SLC25A21: variants seen among roughly 807,000 people sequenced by gnomAD.
SLC25A21 encodes the protein mitochondrial 2-oxodicarboxylate carrier.
SLC25A21 carries 47 observed loss-of-function variants against 43.8 expected under a neutral mutation model. That is an observed-to-expected ratio of 1.07 (90% confidence interval 0.85 to 1.37). The LOEUF (loss-of-function observed/expected upper bound fraction) is 1.37. Among genes scored for constraint, SLC25A21 ranks in the 40% most tolerant of loss-of-function variants. SLC25A21 has a pLI of 0.00. For synonymous variants in SLC25A21, 131 were observed against 121.3 expected, an observed-to-expected ratio of 1.08 and a Z score of -0.52; for missense variants, 352 against 350.2, an observed-to-expected ratio of 1.00 and a Z score of -0.04.
At position 36,821,504 on chromosome 14, in the gene SLC25A21, C is replaced by T. The variant is rs531459822; in HGVS notation, c.120-7503G>A. On this transcript the variant is annotated intron_variant, in intron 2 of 9. Coordinates refer to ENST00000331299, the MANE Select transcript of SLC25A21 (RefSeq NM_030631.4). Reference sequence around the variant, plus strand: ...TTTAGCTGTGGGTATTTTGTTTTCACTTCAGATTAAATATAATAATAATCT... The same window carrying T: ...TTTAGCTGTGGGTATTTTGTTTTCATTTCAGATTAAATATAATAATAATCT... Among the ~76,000 whole-genome samples, 399 of 152,094 alleles carry T rather than the reference C, an allele frequency of 2.6e-3. 1 individual carries two copies. The highest frequency in any genetic ancestry group is 4.8e-3 in the Non-Finnish European group (325 of 68,012).
intron 1 of SLC25A21, among the ~76,000 whole-genome samples, chr14:37,087,400 T>C (rs571036906): frequency 3.9e-5 from 6 of 152,360 alleles, no homozygotes; most frequent in Admixed American, 2.6e-4. Context: ...AGTTGGGTTA[T>C]CTGTGACCTG....
At chr14:36,749,758 C>T (rs773238039) in intron 3 of SLC25A21, among the ~76,000 whole-genome samples, 8 of 152,186 alleles carry the variant, frequency 5.3e-5, no homozygotes, top group Non-Finnish European at 8.8e-5. Context: ...CTCACAAAGC[C>T]GCAGGGCTCA....
intron 3 of SLC25A21, among the ~76,000 whole-genome samples, chr14:36,787,596 C>T (rs894641661): frequency 3.9e-5 from 6 of 152,026 alleles, no homozygotes; most frequent in Admixed American, 2.0e-4. Context: ...TTATATTAAA[C>T]ACAATTCATT....
rs755182734 is a variant in SLC25A21, at chr14:36,679,857, T to G, written c.*801A>C. The G allele has an allele frequency of 1.0e-6, 1 of 983,666 alleles. No individual in the cohort carries two copies. The highest frequency in any genetic ancestry group is 1.2e-6 in the Non-Finnish European group (1 of 828,454). The allele number at this position is 983,666 out of a possible 1,614,324, so 60.9% of individuals were successfully genotyped here. A position where few individuals can be genotyped will look rare whatever the true frequency, so the allele number is the denominator to read the frequency against. ...CAATATCTCATCAACAAAACTTATCTTCAAAGAGAACTATGTGGAGGAAAG... is the reference window on the plus strand; with the variant it reads ...CAATATCTCATCAACAAAACTTATCGTCAAAGAGAACTATGTGGAGGAAAG... On this transcript the variant is annotated 3_prime_UTR_variant, in exon 10 of 10. Coordinates refer to ENST00000331299, the MANE Select transcript of SLC25A21 (RefSeq NM_030631.4).
At position 37,130,926 on chromosome 14, in the gene SLC25A21, G is replaced by A. The variant is rs370392776; in HGVS notation, c.70+41355C>T. ...CTAATGGGCTAGCAGAATATGCTTC[G>A]TGGAGAAAGAAGTTAGAGGGGATCT... On this transcript the variant is annotated intron_variant, in intron 1 of 9. Coordinates refer to ENST00000331299, the MANE Select transcript of SLC25A21 (RefSeq NM_030631.4). Among the ~76,000 whole-genome samples, 29 of 152,326 alleles carry A rather than the reference G, an allele frequency of 1.9e-4. 1 individual carries two copies. The highest frequency in any genetic ancestry group is 3.3e-4 in the Admixed American group (5 of 15,304).
At chr14:36,977,955 A>T (rs11623895) in intron 1 of SLC25A21, among the ~76,000 whole-genome samples, 975 of 90,122 alleles carry the variant, frequency 0.011, 5 homozygotes, top group Non-Finnish European at 0.014. Flanking sequence ...TTTTTTTTTT[A>T]AAAAAAAAAA....
intron 3 of SLC25A21, among the ~76,000 whole-genome samples, chr14:36,768,657 C>T (rs915427649): frequency 7.2e-5 from 11 of 152,162 alleles, no homozygotes; most frequent in African/African-American, 2.7e-4. Context: ...TGACATTAGG[C>T]AGGTTACTTA....
At chr14:36,878,002 T>A (rs987093132) in intron 1 of SLC25A21, among the ~76,000 whole-genome samples, 2 of 152,178 alleles carry the variant, frequency 1.3e-5, no homozygotes, top group African/African-American at 4.8e-5. Context: ...GGTATTGACC[T>A]CTGCTAATGT....
chr14:36,764,192 G>GAAAGAAAGAAAGAAAGAAAGAAAGAA lies in SLC25A21; in HGVS notation c.204-29620_204-29619insTTCTTTCTTTCTTTCTTTCTTTCTTT, dbSNP rs141041432. Among the ~76,000 whole-genome samples the GAAAGAAAGAAAGAAAGAAAGAAAGAA allele has an allele frequency of 4.2e-4, 23 of 55,316 alleles. 4 individuals carry two copies. The highest frequency in any genetic ancestry group is 2.5e-3 in the East Asian group (5 of 1,996). The allele number at this position is 55,316 out of a possible 152,430, so 36.3% of individuals were successfully genotyped here. A position where few individuals can be genotyped will look rare whatever the true frequency, so the allele number is the denominator to read the frequency against. ...AGAAAGAAAGAAAGAAAGAAAGAAAGAGAAAGAAAGAAACTGTTAGCTTCC... is the reference window on the plus strand; with the variant it reads ...AGAAAGAAAGAAAGAAAGAAAGAAAGAAAGAAAGAAAGAAAGAAAGAAAGAAAGAAAGAAAGAAACTGTTAGCTTCC... On this transcript the variant is annotated intron_variant, in intron 3 of 9. Transcript: ENST00000331299.
intron 1 of SLC25A21, among the ~76,000 whole-genome samples, chr14:37,099,397 A>C (rs1417965542): frequency 6.6e-6 from 1 of 152,108 alleles, no homozygotes; most frequent in Admixed American, 6.5e-5. Flanking sequence ...CTTCTGAGTA[A>C]TTTGTACTTA....
chr14:37,030,044 C>T (rs919899300), intron 1 of SLC25A21, among the ~76,000 whole-genome samples: 6 of 152,032 alleles, frequency 3.9e-5, no homozygotes, highest in African/African-American at 9.7e-5. Context: ...GGATTACAGG[C>T]GTGAGCCACT....
chr14:36,786,993 T>C (rs1887276848), intron 3 of SLC25A21, among the ~76,000 whole-genome samples: 1 of 152,152 alleles, frequency 6.6e-6, no homozygotes, highest in African/African-American at 2.4e-5. Context: ...CTCCATATGA[T>C]TTTTCTCGCT....
rs17105977 is a variant in SLC25A21 at position 37,023,258 on chromosome 14, T to C, written c.71-148254A>G. Among the ~76,000 whole-genome samples, 1,425 of 152,120 alleles carry C rather than the reference T, an allele frequency of 9.4e-3. 37 individuals are homozygous for C. In the East Asian group the frequency reaches 0.094, roughly 10 times the overall value. On this transcript the variant is annotated intron_variant, in intron 1 of 9. Transcript: ENST00000331299. The stretch of plus-strand genomic sequence containing the variant: ...CCAAAGTCAGTCTTTTCCCCTAGTA[T>C]AGATTATTAGGCAGGGATTCCTCTG...
chr14:37,044,069 C>A (rs1961537407), intron 1 of SLC25A21, among the ~76,000 whole-genome samples: 1 of 151,494 alleles, frequency 6.6e-6, no homozygotes, highest in South Asian at 2.1e-4. Flanking sequence ...CAGGCTTGAG[C>A]CATCACACCC....
In SLC25A21 at chr14:36,692,470, A is replaced by G. The variant is rs78286833; in HGVS notation, c.604-7545T>C. ...AGGCAATGGCACTTGAGGAGATAAA[A>G]TATGTCCATTGAAAGAGGCATATGC... On this transcript the variant is annotated intron_variant, in intron 7 of 9. Transcript: ENST00000331299. 6.2e-3 allele frequency among the ~76,000 whole-genome samples: 942 copies of G among 152,320 alleles called. 14 individuals carry two copies. The highest frequency in any genetic ancestry group is 0.022 in the African/African-American group (911 of 41,568).
chr14:37,131,304 G>A (rs1375055336), intron 1 of SLC25A21, among the ~76,000 whole-genome samples: 1 of 152,206 alleles, frequency 6.6e-6, no homozygotes, highest in African/African-American at 2.4e-5. Context: ...ATCATTGAGT[G>A]AGACACATGT....
rs141423783 is a variant in SLC25A21, at chr14:37,151,778, G to A, written c.70+20503C>T. 5.5e-3 allele frequency among the ~76,000 whole-genome samples: 840 copies of A among 152,248 alleles called. 9 individuals carry two copies. Among genetic ancestry groups the A allele is most frequent in the African/African-American group, 0.02 (816 of 41,554 alleles). On this transcript the variant is annotated intron_variant, in intron 1 of 9. Coordinates refer to ENST00000331299, the MANE Select transcript of SLC25A21 (RefSeq NM_030631.4). ...AGAAATTACAAATTGGCTCATGCCT[G>A]GAATCCAGCACTTTGGGAGGCCAAG...
chr14:36,830,130 T>TAA (rs1888983601), intron 2 of SLC25A21, among the ~76,000 whole-genome samples: 1 of 152,158 alleles, frequency 6.6e-6, no homozygotes, highest in South Asian at 2.1e-4. Flanking sequence ...TTTCACCACA[T>TAA]TACTTCTTAG....
At chr14:36,697,982 T>C (rs2139164551) in intron 7 of SLC25A21, among the ~76,000 whole-genome samples, 1 of 152,340 alleles carries the variant, frequency 6.6e-6, no homozygotes, top group Admixed American at 6.5e-5. Context: ...ACTTTGCCCG[T>C]TAATTGATGC....
Sources: gnomAD v4.1 joint callset for allele counts (sites outside exome capture counted in the v4.1 genomes callset) on GRCh38, gnomAD v4.1.1 for gene constraint, MANE v1.5 for transcripts, NCBI Gene and HGNC (gene_info 2026-07-23, HGNC 2026-07-21) for gene names.